The following DCC variants were observed in gnomAD, a reference collection of about 807,000 sequenced individuals.
The protein encoded by DCC is DCC netrin 1 receptor, also known as netrin receptor DCC.
A neutral mutation model predicts 172.5 loss-of-function variants in DCC; 58 were observed. The ratio of observed to expected loss-of-function variants is 0.34; its 90% CI spans 0.27 to 0.42. DCC has a LOEUF of 0.42. DCC is among the 10% of genes least tolerant of loss of function. The pLI is 1.00. For synonymous variants in DCC, 709 were observed against 644.5 expected (o/e 1.10, Z -1.52); for missense variants, 1,740 against 1,791.0 (o/e 0.97, Z 0.51).
At chr18:52,705,096 A>G (rs1037998702) in intron 1 of DCC, among the ~76,000 whole-genome samples, 5 of 152,188 alleles carry the variant, frequency 3.3e-5, no homozygotes, top group Non-Finnish European at 7.3e-5. Context: ...GCAAAGCATG[A>G]CTATAAAGTA....
chr18:52,405,080 G>T (rs895730013), intron 1 of DCC, among the ~76,000 whole-genome samples: 7 of 151,488 alleles, frequency 4.6e-5, no homozygotes, highest in African/African-American at 1.7e-4. Flanking sequence ...CATTTCGGTT[G>T]GTTCCAAGTC....
intron 7 of DCC, among the ~76,000 whole-genome samples, chr18:53,093,145 G>A (rs973587495): frequency 9.2e-5 from 14 of 152,066 alleles, no homozygotes; most frequent in Admixed American, 4.6e-4. Flanking sequence ...AGCTGGGCGT[G>A]GGGGTGCATG....
chr18:52,628,447 A>G (rs967916891), intron 1 of DCC, among the ~76,000 whole-genome samples: 3 of 152,230 alleles, frequency 2.0e-5, no homozygotes, highest in African/African-American at 7.2e-5. Flanking sequence ...TTGTTTTTCA[A>G]TAAACTTGGC....
At chr18:53,162,402 G>T (rs749032787) in intron 8 of DCC, among the ~76,000 whole-genome samples, 1 of 152,008 alleles carries the variant, frequency 6.6e-6, no homozygotes, top group Non-Finnish European at 1.5e-5. Flanking sequence ...AACTATTGCA[G>T]TAATCTCCTA....
At chr18:52,953,030 T>TAAA (rs2040682837) in intron 5 of DCC, among the ~76,000 whole-genome samples, 1 of 81,318 alleles carries the variant, frequency 1.2e-5, no homozygotes, top group Non-Finnish European at 2.8e-5. Context: ...AAAAAAAAAC[T>TAAA]CATAACATTG....
intron 9 of DCC, among the ~76,000 whole-genome samples, chr18:53,187,671 AT>A (rs1052802653): frequency 1.3e-5 from 2 of 152,144 alleles, no homozygotes; most frequent in African/African-American, 4.8e-5. Flanking sequence ...TATATGGTGA[AT>A]TTTACATGTT....
intron 19 of DCC, among the ~76,000 whole-genome samples, chr18:53,409,862 A>G (rs1292983431): frequency 6.6e-6 from 1 of 152,196 alleles, no homozygotes; most frequent in Admixed American, 6.5e-5. Flanking sequence ...AATCCCATAC[A>G]TAGTCTGGTG....
Position 53,313,013 on chromosome 18 carries a change from GAAGA to G in DCC, c.2053+7298_2053+7301del, listed in dbSNP as rs1568049105. The stretch of plus-strand genomic sequence containing the variant: ...AGGGAGGAGGGAGGAAGGAAGGGAG[GAAGA>G]AAGGAAGGGAAGAAGGAGGAAAGGG... On this transcript the variant is annotated intron_variant, in intron 13 of 28. Coordinates refer to ENST00000442544, the MANE Select transcript of DCC (RefSeq NM_005215.4). Among the ~76,000 whole-genome samples the G allele has an allele frequency of 3.8e-5, 5 of 132,414 alleles. No individual in the cohort carries two copies. The East Asian group carries it at 9.2e-4, about 24-fold the overall frequency. The allele number at this position is 132,414 out of a possible 152,430, so 86.9% of individuals were successfully genotyped here. A position where few individuals can be genotyped will look rare whatever the true frequency, so the allele number is the denominator to read the frequency against.
chr18:53,433,938 C>G (rs1057254826), intron 21 of DCC, among the ~76,000 whole-genome samples: 1 of 152,182 alleles, frequency 6.6e-6, no homozygotes, highest in Non-Finnish European at 1.5e-5. Context: ...GACATCCTAA[C>G]TTCAGCTGTG....
intron 9 of DCC, among the ~76,000 whole-genome samples, chr18:53,182,141 G>A (rs189252072): frequency 4.6e-5 from 7 of 152,294 alleles, no homozygotes; most frequent in Admixed American, 4.6e-4. Context: ...AAGCCTAACT[G>A]AATAAAACAT....
chr18:53,226,948 A>ATATATATATATATATTTTTTT, intron 12 of DCC, among the ~76,000 whole-genome samples: 2 of 52,948 alleles, frequency 3.8e-5, no homozygotes, highest in African/African-American at 9.4e-5. Context: ...ATATATATAT[A>ATATATATATATATATTTTTTT]TTTTTTTTTT....
At chr18:52,431,971 G>A (rs1380582106) in intron 1 of DCC, among the ~76,000 whole-genome samples, 5 of 152,130 alleles carry the variant, frequency 3.3e-5, no homozygotes, top group Non-Finnish European at 7.3e-5. Flanking sequence ...GAGCATTTCA[G>A]TAAAGCATCG....
intron 9 of DCC, among the ~76,000 whole-genome samples, chr18:53,197,987 A>G (rs977232891): frequency 2.6e-5 from 4 of 152,194 alleles, no homozygotes; most frequent in Admixed American, 6.5e-5. Context: ...TCTTTGAAAT[A>G]CCGATGATTT....
intron 1 of DCC, among the ~76,000 whole-genome samples, chr18:52,700,246 T>TCA (rs1229887638): frequency 2.4e-5 from 3 of 122,656 alleles, no homozygotes; most frequent in African/African-American, 1.0e-4. Flanking sequence ...ACATGCACAC[T>TCA]CACACACGCA....
intron 1 of DCC, among the ~76,000 whole-genome samples, chr18:52,692,824 A>G (rs1451377709): frequency 6.6e-6 from 1 of 152,168 alleles, no homozygotes; most frequent in Non-Finnish European, 1.5e-5. Context: ...AAGTGAGAAA[A>G]TATTCATGTG....
chr18:52,442,152 T>C (rs1987990675), intron 1 of DCC, among the ~76,000 whole-genome samples: 1 of 152,188 alleles, frequency 6.6e-6, no homozygotes, highest in Non-Finnish European at 1.5e-5. Flanking sequence ...GACTAAACTC[T>C]ATTCTAACAT....
chr18:52,812,745 G>C lies in DCC; in HGVS notation c.412+60371G>C, dbSNP rs755620067. Among the ~76,000 whole-genome samples, 11 of 152,226 alleles carry C rather than the reference G, an allele frequency of 7.2e-5. No homozygotes were observed. The South Asian group carries it at 1.0e-3, about 14-fold the overall frequency. ...TGCAGGTAATGGGGGTCTGGGTTTC[G>C]GCTGTCTCACATTATGTACTTGCTG... On this transcript the variant is annotated intron_variant, in intron 2 of 28. Transcript: ENST00000442544.
intron 5 of DCC, among the ~76,000 whole-genome samples, chr18:53,009,808 A>G (rs933833096): frequency 9.9e-5 from 15 of 151,914 alleles, no homozygotes; most frequent in African/African-American, 3.6e-4. Context: ...TAACTTTCCC[A>G]TATGCTTCCC....
intron 25 of DCC, among the ~76,000 whole-genome samples, chr18:53,473,182 G>A (rs1447401551): frequency 6.6e-6 from 1 of 152,086 alleles, no homozygotes; most frequent in Non-Finnish European, 1.5e-5. Flanking sequence ...GCACGATATA[G>A]CATTTATTAC....
Sources: gnomAD v4.1 joint callset for allele counts (sites outside exome capture counted in the v4.1 genomes callset) on GRCh38, gnomAD v4.1.1 for gene constraint, MANE v1.5 for transcripts, NCBI Gene and HGNC (gene_info 2026-07-23, HGNC 2026-07-21) for gene names.